The following LINGO2 variants were observed in gnomAD, a reference collection of about 807,000 sequenced individuals.
LINGO2 encodes leucine-rich repeat and immunoglobulin-like domain-containing nogo receptor-interacting protein 2.
LINGO2 carries 14 observed loss-of-function variants against 30.6 expected under a neutral mutation model. The ratio of observed to expected loss-of-function variants is 0.46; its 90% CI spans 0.30 to 0.72. LINGO2 has a LOEUF of 0.72. Ranked by LOEUF, LINGO2 falls within the 30% of genes least tolerant of loss-of-function variation. The pLI is 0.07. For synonymous variants in LINGO2, 317 were observed against 288.5 expected, an observed-to-expected ratio of 1.10 and a Z score of -1.00; for missense variants, 729 against 751.7, an observed-to-expected ratio of 0.97 and a Z score of 0.35.
the LINGO2 span, among the ~76,000 whole-genome samples, chr9:29,002,817 T>C: frequency 4.6e-5 from 7 of 151,946 alleles, no homozygotes; most frequent in African/African-American, 1.7e-4. Flanking sequence ...GTCCTTTACC[T>C]GCTAGTTTGG....
chr9:28,651,788 A>G (rs555868639), intron 1 of LINGO2, among the ~76,000 whole-genome samples: 6 of 152,266 alleles, frequency 3.9e-5, no homozygotes, highest in Admixed American at 3.9e-4. Flanking sequence ...TGAGCTTCCA[A>G]TCTATATTTA....
the LINGO2 span, among the ~76,000 whole-genome samples, chr9:28,816,451 G>A: frequency 6.6e-6 from 1 of 152,100 alleles, no homozygotes; most frequent in Non-Finnish European, 1.5e-5. Flanking sequence ...CAGGAATCAA[G>A]ATATTCTTTG....
intron 2 of LINGO2, among the ~76,000 whole-genome samples, chr9:28,452,564 C>G (rs1824688695): frequency 6.6e-6 from 1 of 151,822 alleles, no homozygotes; most frequent in South Asian, 2.1e-4. Context: ...TCCCCTACCT[C>G]ATGCAATACA....
intron 4 of LINGO2, among the ~76,000 whole-genome samples, chr9:28,293,980 T>A (rs1214639796): frequency 6.6e-6 from 1 of 152,204 alleles, no homozygotes; most frequent in Non-Finnish European, 1.5e-5. Context: ...ACTTTGCCAC[T>A]AAGCAAGACA....
chr9:28,329,620 C>T lies in LINGO2; in HGVS notation c.-245-34254G>A, dbSNP rs1228424981. 6.6e-6 allele frequency among the ~76,000 whole-genome samples: 1 copy of T among 152,138 alleles called. No individual in the cohort carries two copies. Among genetic ancestry groups the T allele is most frequent in the Non-Finnish European group, 1.5e-5 (1 of 68,016 alleles). On this transcript the variant is annotated intron_variant, in intron 3 of 5. Coordinates refer to ENST00000379992, the Ensembl canonical transcript of LINGO2. This position sits in a 1 kb window ranked among gnomAD's most constrained non-coding sequence, Gnocchi z 4.5. Reference sequence around the variant, plus strand: ...AAAATTCTTTATATAATTGCACTTGCTATTCTCTCTGCCTGGAATAGTTTC... The same window carrying T: ...AAAATTCTTTATATAATTGCACTTGTTATTCTCTCTGCCTGGAATAGTTTC...
At chr9:28,557,283 C>T (rs1378276771) in intron 1 of LINGO2, among the ~76,000 whole-genome samples, 1 of 151,894 alleles carries the variant, frequency 6.6e-6, no homozygotes, top group Non-Finnish European at 1.5e-5. Flanking sequence ...CTACAATGAA[C>T]TCCAACAAAT....
At chr9:28,579,068 T>TTG (rs1554640663) in intron 1 of LINGO2, among the ~76,000 whole-genome samples, 41 of 151,782 alleles carry the variant, frequency 2.7e-4, no homozygotes, top group South Asian at 8.4e-4. Flanking sequence ...GCTCTTTTTT[T>TTG]TTTGTTTCTA....
At chr9:28,186,939 C>G (rs1443743563) in intron 4 of LINGO2, among the ~76,000 whole-genome samples, 1 of 152,040 alleles carries the variant, frequency 6.6e-6, no homozygotes, top group Non-Finnish European at 1.5e-5. Flanking sequence ...GAGTGAGATT[C>G]AACATCATCA....
At chr9:29,079,423 A>C in the LINGO2 span, among the ~76,000 whole-genome samples, 2 of 152,002 alleles carry the variant, frequency 1.3e-5, no homozygotes, top group African/African-American at 2.4e-5. Flanking sequence ...AAAATAGGTC[A>C]GTGATTCCTA....
rs1380029523 is a variant in LINGO2, at chr9:28,506,503, G to GATAGATAGATAGAT, written c.-364-30479_-364-30478insATCTATCTATCTAT. On this transcript the variant is annotated intron_variant, in intron 1 of 5. Coordinates refer to ENST00000379992, the Ensembl canonical transcript of LINGO2. ...ACATACACATACACACACACACACA[G>GATAGATAGATAGAT]ACATATATATATATATATAAACTGT... 4.5e-4 allele frequency among the ~76,000 whole-genome samples: 37 copies of GATAGATAGATAGAT among 83,112 alleles called. 5 individuals are homozygous for GATAGATAGATAGAT. The highest frequency in any genetic ancestry group is 1.4e-3 in the East Asian group (4 of 2,782). The allele number at this position is 83,112 out of a possible 152,430, so 54.5% of individuals were successfully genotyped here.
chr9:28,277,749 G>C (rs1413383940), intron 4 of LINGO2, among the ~76,000 whole-genome samples: 1 of 151,144 alleles, frequency 6.6e-6, no homozygotes, highest in African/African-American at 2.4e-5. Context: ...GTGGAGGTTG[G>C]AGTTTGTAGT....
At chr9:28,885,487 TTA>T in the LINGO2 span, among the ~76,000 whole-genome samples, 7 of 145,916 alleles carry the variant, frequency 4.8e-5, no homozygotes, top group African/African-American at 1.3e-4. Flanking sequence ...ATATACACGT[TTA>T]TATATATATA....
intron 3 of LINGO2, among the ~76,000 whole-genome samples, chr9:28,371,054 A>T (rs958688277): frequency 5.9e-5 from 9 of 152,194 alleles, no homozygotes; most frequent in Admixed American, 2.0e-4. Flanking sequence ...GTAGGGATAG[A>T]CTAGGTTTCA....
chr9:28,973,701 T>C, the LINGO2 span, among the ~76,000 whole-genome samples: 41 of 152,358 alleles, frequency 2.7e-4, no homozygotes, highest in Admixed American at 1.5e-3. Flanking sequence ...GGTATGTCTT[T>C]ATTAGCAGCA....
intron 3 of LINGO2, among the ~76,000 whole-genome samples, chr9:28,303,619 T>G (rs1341059694): frequency 6.6e-6 from 1 of 152,154 alleles, no homozygotes; most frequent in Non-Finnish European, 1.5e-5. Context: ...TTTTGTGTGC[T>G]CTATTTATTA....
chr9:29,046,020 TA>T, the LINGO2 span, among the ~76,000 whole-genome samples: 5 of 152,172 alleles, frequency 3.3e-5, no homozygotes, highest in Admixed American at 6.5e-5. Flanking sequence ...GTTTATCAGC[TA>T]GAGGAGCTTT....
intron 4 of LINGO2, among the ~76,000 whole-genome samples, chr9:28,229,289 A>C (rs1473607706): frequency 6.6e-6 from 1 of 151,886 alleles, no homozygotes; most frequent in Non-Finnish European, 1.5e-5. Context: ...ACCTTCCAAA[A>C]TATTGAAAAT....
chr9:28,267,418 C>T (rs915237376), intron 4 of LINGO2, among the ~76,000 whole-genome samples: 1 of 151,972 alleles, frequency 6.6e-6, no homozygotes, highest in Non-Finnish European at 1.5e-5. Context: ...CATTCACACC[C>T]AGAATGAATT....
upstream of LINGO2, among the ~76,000 whole-genome samples, chr9:28,673,358 T>C (rs1260549543): frequency 6.6e-6 from 1 of 152,056 alleles, no homozygotes; most frequent in Non-Finnish European, 1.5e-5. Context: ...AGCAGAAAGA[T>C]ATTAGTAATA....
Sources: allele counts gnomAD v4.1 joint callset (sites outside exome capture counted in the v4.1 genomes callset), GRCh38; gene constraint gnomAD v4.1.1; non-coding constraint Gnocchi (gnomAD v3.1); transcripts MANE v1.5; gene names NCBI Gene and HGNC (gene_info 2026-07-23, HGNC 2026-07-21).